The following PDE1C variants were observed in gnomAD, a reference collection of about 807,000 sequenced individuals.
PDE1C encodes the protein phosphodiesterase 1C, also known as dual specificity calcium/calmodulin-dependent 3',5'-cyclic nucleotide phosphodiesterase 1C.
A neutral mutation model predicts 93.1 loss-of-function variants in PDE1C; 62 were observed. The ratio of observed to expected loss-of-function variants is 0.67; its 90% CI spans 0.54 to 0.82. The LOEUF is 0.82. PDE1C is among the 40% of genes least tolerant of loss of function. PDE1C has a pLI of 0.00. For synonymous variants in PDE1C, 325 were observed against 310.1 expected, an observed-to-expected ratio of 1.05 and a Z score of -0.50; for missense variants, 742 against 884.6, an observed-to-expected ratio of 0.84 and a Z score of 2.04.
At chr7:32,386,148 AC>A (rs1784623851) in intron 1 of PDE1C, among the ~76,000 whole-genome samples, 2 of 143,870 alleles carry the variant, frequency 1.4e-5, no homozygotes, top group Admixed American at 7.0e-5. Flanking sequence ...TGTAAATGTC[AC>A]AACTACAGGC....
the PDE1C span, among the ~76,000 whole-genome samples, chr7:31,718,302 A>C: frequency 6.6e-6 from 1 of 152,056 alleles, no homozygotes; most frequent in African/African-American, 2.4e-5. Context: ...AAATGGGCCC[A>C]CCAAGAGATT....
At chr7:32,399,618 T>C (rs1307894777) in intron 1 of PDE1C, among the ~76,000 whole-genome samples, 1 of 147,694 alleles carries the variant, frequency 6.8e-6, no homozygotes, top group Non-Finnish European at 1.5e-5. Context: ...AGTCTTCCTC[T>C]GTTGCCCAGA....
chr7:32,143,779 T>G (rs1800668988), intron 3 of PDE1C, among the ~76,000 whole-genome samples: 1 of 152,170 alleles, frequency 6.6e-6, no homozygotes, highest in African/African-American at 2.4e-5. Context: ...ATATTACATG[T>G]CTATTCACAG....
chr7:32,259,172 T>C (rs1206873948), intron 1 of PDE1C, among the ~76,000 whole-genome samples: 1 of 152,178 alleles, frequency 6.6e-6, no homozygotes, highest in Non-Finnish European at 1.5e-5. Context: ...TGTCAGCATT[T>C]TTCTCCTACC....
At chr7:32,365,624 G>A (rs754015700) in intron 1 of PDE1C, among the ~76,000 whole-genome samples, 7 of 152,146 alleles carry the variant, frequency 4.6e-5, no homozygotes, top group Non-Finnish European at 7.4e-5. Context: ...GGCGGCTCCT[G>A]TGAGGCAAGC....
intron 2 of PDE1C, among the ~76,000 whole-genome samples, chr7:32,200,971 A>G (rs1260916856): frequency 6.6e-6 from 1 of 152,232 alleles, no homozygotes; most frequent in East Asian, 1.9e-4. Flanking sequence ...CTGCATAGCC[A>G]AAGGTCTTAT....
chr7:32,183,599 T>C (rs1014628070), intron 2 of PDE1C, among the ~76,000 whole-genome samples: 13 of 152,202 alleles, frequency 8.5e-5, no homozygotes, highest in African/African-American at 1.9e-4. Flanking sequence ...GCTAGCCATA[T>C]GTAGAAAGCT....
the PDE1C span, among the ~76,000 whole-genome samples, chr7:31,705,360 A>G: frequency 6.6e-6 from 1 of 152,164 alleles, no homozygotes; most frequent in Non-Finnish European, 1.5e-5. Context: ...GCAAGGATGG[A>G]TGGAAAATTT....
intron 1 of PDE1C, among the ~76,000 whole-genome samples, chr7:32,070,010 T>C (rs940831830): frequency 6.6e-6 from 1 of 152,108 alleles, no homozygotes; most frequent in Non-Finnish European, 1.5e-5. Context: ...AACACCTCAT[T>C]GAGTATTGGG....
intron 1 of PDE1C, among the ~76,000 whole-genome samples, chr7:32,055,309 T>A (rs1208625876): frequency 6.6e-6 from 1 of 152,124 alleles, no homozygotes; most frequent in African/African-American, 2.4e-5. Flanking sequence ...GAGCTCACAT[T>A]TGTTGAGCAC....
chr7:31,645,418 A>G, the PDE1C span, among the ~76,000 whole-genome samples: 1 of 152,216 alleles, frequency 6.6e-6, no homozygotes. Flanking sequence ...AATATTAGTG[A>G]GAGTTGAACA....
At chr7:32,376,698 T>G (rs1445078369) in intron 1 of PDE1C, among the ~76,000 whole-genome samples, 2 of 152,036 alleles carry the variant, frequency 1.3e-5, no homozygotes, top group Non-Finnish European at 2.9e-5. Flanking sequence ...TCCCCTTTCT[T>G]TTTTTTTGAG....
At chr7:32,042,483 G>T (rs1204857635) in intron 2 of PDE1C, among the ~76,000 whole-genome samples, 1 of 152,086 alleles carries the variant, frequency 6.6e-6, no homozygotes, top group Admixed American at 6.6e-5. Flanking sequence ...TGTAAAACAG[G>T]ATCATTGTGA....
chr7:31,817,447 T>C (rs139012803), intron 14 of PDE1C, among the ~76,000 whole-genome samples: 204 of 152,272 alleles, frequency 1.3e-3, no homozygotes, highest in Admixed American at 2.5e-3. Flanking sequence ...GTTCAGATCA[T>C]GCAGGGCTTT....
At chr7:32,196,510 G>A (rs1018592553) in intron 2 of PDE1C, among the ~76,000 whole-genome samples, 1 of 112,950 alleles carries the variant, frequency 8.9e-6, no homozygotes, top group Non-Finnish European at 1.9e-5. Flanking sequence ...AAGTCGTCTA[G>A]TCACTCTGTC....
intron 1 of PDE1C, among the ~76,000 whole-genome samples, chr7:32,385,823 G>A (rs1784615422): frequency 6.6e-6 from 1 of 152,166 alleles, no homozygotes; most frequent in Non-Finnish European, 1.5e-5. Context: ...AAGTAATACA[G>A]ATGGGAACTG....
At chr7:31,880,504 T>C (rs770079815) in intron 3 of PDE1C, among the ~76,000 whole-genome samples, 8 of 152,214 alleles carry the variant, frequency 5.3e-5, no homozygotes, top group African/African-American at 7.2e-5. Context: ...TCCTCTTTCA[T>C]GATCTCACTT....
At chr7:32,273,222 C>T (rs1232124409) in intron 1 of PDE1C, among the ~76,000 whole-genome samples, 1 of 152,154 alleles carries the variant, frequency 6.6e-6, no homozygotes, top group Non-Finnish European at 1.5e-5. Context: ...ACAAAGAGTG[C>T]CCCGGTGAGA....
intron 17 of PDE1C, among the ~76,000 whole-genome samples, chr7:31,757,975 G>T (rs1794576776): frequency 6.6e-6 from 1 of 152,124 alleles, no homozygotes; most frequent in Non-Finnish European, 1.5e-5. Context: ...CCATAAAAAA[G>T]GATGAGTTCA....
Sources: gnomAD v4.1 joint callset for allele counts (sites outside exome capture counted in the v4.1 genomes callset) on GRCh38, gnomAD v4.1.1 for gene constraint, MANE v1.5 for transcripts, NCBI Gene and HGNC (gene_info 2026-07-23, HGNC 2026-07-21) for gene names.